BRD10: variants seen among roughly 807,000 people sequenced by gnomAD.
BRD10 encodes uncharacterized bromodomain-containing protein 10.
chr9:5,883,280 GAAC>G, the BRD10 span, among the ~76,000 whole-genome samples: 1 of 151,994 alleles, frequency 6.6e-6, no homozygotes, highest in Non-Finnish European at 1.5e-5. Context: ...TTGTTTTGGA[GAAC>G]CTCTCTCTGT....
At chr9:5,972,976 T>A in the BRD10 span, among the ~76,000 whole-genome samples, 1 of 152,150 alleles carries the variant, frequency 6.6e-6, no homozygotes, top group Non-Finnish European at 1.5e-5. Flanking sequence ...AAATGTGGTA[T>A]TTGTGACTGA....
At chr9:5,978,645 G>A in the BRD10 span, among the ~76,000 whole-genome samples, 1 of 152,142 alleles carries the variant, frequency 6.6e-6, no homozygotes. Flanking sequence ...GCTTATAGAA[G>A]CTCTGTCAAG....
At chr9:5,969,991 T>C in the BRD10 span, among the ~76,000 whole-genome samples, 4 of 152,254 alleles carry the variant, frequency 2.6e-5, no homozygotes, top group South Asian at 6.2e-4. Flanking sequence ...CTTCAATTTA[T>C]AATGTATATC....
At chr9:5,942,850 A>G in the BRD10 span, among the ~76,000 whole-genome samples, 1 of 152,142 alleles carries the variant, frequency 6.6e-6, no homozygotes, top group African/African-American at 2.4e-5. Flanking sequence ...CTCAAGGAAT[A>G]CAATGTCAAA....
the BRD10 span, chr9:5,922,068 A>T: frequency 1.2e-6 from 2 of 1,613,934 alleles, no homozygotes; most frequent in African/African-American, 2.7e-5. Context: ...GTGAAAACTG[A>T]ACTTGAAGAT....
the BRD10 span, among the ~76,000 whole-genome samples, chr9:6,002,994 G>A: frequency 1.3e-5 from 2 of 152,100 alleles, no homozygotes; most frequent in African/African-American, 2.4e-5. Context: ...AAAGTATGCT[G>A]TACTCTTACC....
the BRD10 span, among the ~76,000 whole-genome samples, chr9:5,935,179 C>A: frequency 2.6e-5 from 4 of 152,150 alleles, no homozygotes; most frequent in African/African-American, 9.7e-5. Flanking sequence ...CTATTATTTT[C>A]TCTTGATACT....
chr9:5,967,693 T>TG, the BRD10 span, among the ~76,000 whole-genome samples: 1 of 19,366 alleles, frequency 5.2e-5, no homozygotes, highest in South Asian at 1.7e-3. Flanking sequence ...GCCCTTAGCC[T>TG]GAAAAAAAAA....
the BRD10 span, among the ~76,000 whole-genome samples, chr9:5,961,649 C>T: frequency 6.6e-6 from 1 of 152,188 alleles, no homozygotes; most frequent in African/African-American, 2.4e-5. Context: ...TAGGATCAAG[C>T]ATGAGATAAT....
chr9:5,923,373 A>G, the BRD10 span: 2 of 1,226,024 alleles, frequency 1.6e-6, no homozygotes, highest in South Asian at 1.5e-5. Context: ...AATAACATCA[A>G]CTGTAAAAAA....
chr9:5,994,804 C>A, the BRD10 span, among the ~76,000 whole-genome samples: 1 of 152,182 alleles, frequency 6.6e-6, no homozygotes, highest in Admixed American at 6.5e-5. Context: ...TAACTATAAC[C>A]TCAGCTGGGC....
the BRD10 span, among the ~76,000 whole-genome samples, chr9:5,899,789 T>C: frequency 3.3e-5 from 5 of 152,174 alleles, no homozygotes; most frequent in African/African-American, 1.2e-4. Flanking sequence ...CTCATCTTCA[T>C]ATCTCCAGTG....
the BRD10 span, among the ~76,000 whole-genome samples, chr9:5,978,798 C>T: frequency 6.6e-6 from 1 of 152,226 alleles, no homozygotes; most frequent in Non-Finnish European, 1.5e-5. Flanking sequence ...ACTCCTACTA[C>T]CACCTTTATC....
At chr9:5,927,082 A>C in the BRD10 span, among the ~76,000 whole-genome samples, 8 of 152,192 alleles carry the variant, frequency 5.3e-5, no homozygotes, top group South Asian at 1.4e-3. Flanking sequence ...TCAATCTATA[A>C]GATTGGAATG....
chr9:5,991,253 T>C, the BRD10 span, among the ~76,000 whole-genome samples: 366 of 152,238 alleles, frequency 2.4e-3, 3 homozygotes, highest in Admixed American at 5.6e-3. Context: ...AGTTTTCATA[T>C]GATATGTACG....
chr9:5,971,358 T>C, the BRD10 span, among the ~76,000 whole-genome samples: 3 of 152,216 alleles, frequency 2.0e-5, no homozygotes, highest in Non-Finnish European at 4.4e-5. Flanking sequence ...CTAGCAATTC[T>C]ACTCCTAGGT....
At chr9:5,988,558 T>A in the BRD10 span, 5 of 1,603,162 alleles carry the variant, frequency 3.1e-6, no homozygotes, top group African/African-American at 1.3e-5. Flanking sequence ...TGGAGAAGAA[T>A]AAGTCAATTC....
chr9:5,974,348 G>T, the BRD10 span, among the ~76,000 whole-genome samples: 2 of 152,110 alleles, frequency 1.3e-5, no homozygotes, highest in Admixed American at 6.5e-5. Flanking sequence ...AAACTTCCAT[G>T]TAGTGTCTTC....
At chr9:5,930,836 T>C in the BRD10 span, among the ~76,000 whole-genome samples, 4 of 152,370 alleles carry the variant, frequency 2.6e-5, no homozygotes, top group African/African-American at 9.6e-5. Flanking sequence ...GTGCTTATTT[T>C]AAGCCATGAA....
Sources: gnomAD v4.1 joint callset for allele counts (sites outside exome capture counted in the v4.1 genomes callset) on GRCh38, gnomAD v4.1.1 for gene constraint, MANE v1.5 for transcripts, NCBI Gene and HGNC (gene_info 2026-07-23, HGNC 2026-07-21) for gene names.